The following ANK1 variants were observed in gnomAD, a reference collection of about 807,000 sequenced individuals.
ANK1 encodes ankyrin-1.
ANK1 carries 51 observed loss-of-function variants against 210.4 expected under a neutral mutation model. That is an observed-to-expected ratio of 0.24 (90% CI 0.19 to 0.31). The LOEUF (loss-of-function observed/expected upper bound fraction) is 0.31. Ranked by LOEUF, ANK1 falls within the 10% of genes least tolerant of loss-of-function variation. The probability of loss-of-function intolerance (pLI) is 1.00; values close to 1 mark genes in which losing one functional copy is unlikely to be tolerated. For missense variants in ANK1, 2,051 were observed against 2,504.4 expected (o/e 0.82, Z 3.86); for synonymous variants, 967 against 1,025.9 (o/e 0.94, Z 1.10).
chr8:41,662,119 T>C lies in ANK1; in HGVS notation c.5479-178A>G, dbSNP rs139623849. Among the ~76,000 whole-genome samples, 98 of 152,124 alleles carry C rather than the reference T, an allele frequency of 6.4e-4. No individual in the cohort carries two copies. In the East Asian group the frequency reaches 0.018, roughly 28 times the overall value. On this transcript the variant is annotated intron_variant, in intron 40 of 42. Coordinates refer to ENST00000289734, the MANE Select transcript of ANK1 (RefSeq NM_000037.4). ...TAAAAATACAAAAATTAGCCCGGTG[T>C]GGTGGCAGGTGCCTGTAATCCCAGC...
At position 41,757,315 on chromosome 8, in the gene ANK1, T is replaced by A. The variant is rs892882526; in HGVS notation, c.129+721A>T. ...AGCATGTGTAACTAAACAACTTAAT[T>A]GGCAGGCAAATATCTACAAACAAAC... is the stretch of plus-strand genomic sequence containing the variant. On this transcript the variant is annotated intron_variant, in intron 2 of 42. Coordinates refer to ENST00000289734, the MANE Select transcript of ANK1 (RefSeq NM_000037.4). Among the ~76,000 whole-genome samples, 4 of 152,328 alleles carry A rather than the reference T, an allele frequency of 2.6e-5. No homozygotes were observed. The East Asian group carries it at 7.7e-4, about 29-fold the overall frequency.
Position 41,668,248 on chromosome 8 carries a change from G to T in ANK1, c.5394+19C>A, listed in dbSNP as rs374103087. 2.6e-5 allele frequency: 42 copies of T among 1,614,018 alleles called. No individual in the cohort carries two copies. The highest frequency in any genetic ancestry group is 3.3e-5 in the Non-Finnish European group (39 of 1,180,042). On this transcript the variant is annotated intron_variant, in intron 39 of 42. Transcript: ENST00000289734. ...TGCTGGGAAGGAACAGCAGCACGCA[G>T]CTCCCCTCGGGCTCTCACCTGCACC...
chr8:41,720,134 T>C (rs1348400843), intron 9 of ANK1, among the ~76,000 whole-genome samples: 1 of 152,260 alleles, frequency 6.6e-6, no homozygotes, highest in Non-Finnish European at 1.5e-5. Context: ...TGGGCTTTCC[T>C]TATCTGCACC....
intron 1 of ANK1, among the ~76,000 whole-genome samples, chr8:41,775,967 C>T (rs1843940369): frequency 6.6e-6 from 1 of 152,156 alleles, no homozygotes; most frequent in Non-Finnish European, 1.5e-5. Context: ...ATTTAACCCT[C>T]AAAACCACCC....
intron 42 of ANK1, among the ~76,000 whole-genome samples, chr8:41,659,813 G>A (rs533237916): frequency 1.4e-4 from 21 of 151,614 alleles, no homozygotes; most frequent in South Asian, 6.3e-4. Context: ...AGTGTGGTCC[G>A]GTCCTTAATC....
chr8:41,883,466 G>A (rs1053336359), intron 1 of ANK1, among the ~76,000 whole-genome samples: 11 of 151,848 alleles, frequency 7.2e-5, no homozygotes, highest in African/African-American at 2.7e-4. Context: ...TTGTTTGTTT[G>A]TTTGTTTGTT....
intron 38 of ANK1, among the ~76,000 whole-genome samples, chr8:41,671,174 G>T (rs1446956082): frequency 6.6e-6 from 1 of 152,170 alleles, no homozygotes; most frequent in Non-Finnish European, 1.5e-5. Context: ...ACAGGGCGGG[G>T]GCTTCTCAGT....
intron 29 of ANK1, 62 bp downstream of exon 29, chr8:41,693,836 C>G: frequency 2.6e-6 from 4 of 1,534,930 alleles, no homozygotes; most frequent in Non-Finnish European, 2.6e-6. Flanking sequence ...AGTCACCCCC[C>G]TACTGTGTTC....
At chr8:41,667,670 A>C (rs2150555431) in intron 39 of ANK1, among the ~76,000 whole-genome samples, 1 of 152,266 alleles carries the variant, frequency 6.6e-6, no homozygotes, top group Middle Eastern at 3.4e-3. Context: ...CAGGAGAGGG[A>C]GAGGCCTGGG....
intron 1 of ANK1, among the ~76,000 whole-genome samples, chr8:41,805,225 GTCTCTCTCTCTTTGTCTCTT>G (rs1458732645): frequency 7.6e-6 from 1 of 131,882 alleles, no homozygotes; most frequent in Non-Finnish European, 1.6e-5. Context: ...CTCTCTCTCT[GTCTCTCTCTCTTTGTCTCTT>G]TCTCTCTCTC....
intron 2 of ANK1, among the ~76,000 whole-genome samples, chr8:41,757,812 G>A (rs1275132843): frequency 1.3e-5 from 2 of 152,234 alleles, no homozygotes; most frequent in African/African-American, 4.8e-5. Flanking sequence ...GGGGATCTGT[G>A]CGGGCCTCGC....
At chr8:41,889,570 C>A (rs60027178) in intron 1 of ANK1, among the ~76,000 whole-genome samples, 28,649 of 152,062 alleles carry the variant, frequency 0.19, 2,924 homozygotes, top group East Asian at 0.4. Context: ...ATTGGCTGGC[C>A]ATTACATCTT....
At chr8:41,815,700 T>G (rs964130920) in intron 1 of ANK1, among the ~76,000 whole-genome samples, 19 of 152,192 alleles carry the variant, frequency 1.2e-4, no homozygotes, top group Non-Finnish European at 2.2e-4. Context: ...ATTAGAATTT[T>G]AAGACTTAGT....
intron 1 of ANK1, among the ~76,000 whole-genome samples, chr8:41,843,835 C>T (rs1167775301): frequency 6.6e-6 from 1 of 152,164 alleles, no homozygotes; most frequent in Non-Finnish European, 1.5e-5. Flanking sequence ...AGAGACAGGT[C>T]GGGAAGGGTC....
At chr8:41,849,764 C>T (rs1171375682) in intron 1 of ANK1, among the ~76,000 whole-genome samples, 1 of 152,242 alleles carries the variant, frequency 6.6e-6, no homozygotes, top group Non-Finnish European at 1.5e-5. Context: ...TACGTGATCT[C>T]TCAGCTCCTT....
intron 40 of ANK1, 87 bp from the exon 41 acceptor site, chr8:41,662,028 G>A (rs1414394797): frequency 1.1e-5 from 16 of 1,498,888 alleles, no homozygotes; most frequent in African/African-American, 4.1e-5. Context: ...GGAGGCTGAC[G>A]TGCAGATCAT....
chr8:41,799,781 G>A (rs574155630), upstream of ANK1, among the ~76,000 whole-genome samples: 14 of 152,252 alleles, frequency 9.2e-5, no homozygotes, highest in South Asian at 2.5e-3. Context: ...TACAGGAAGC[G>A]GAGGAAAAGG....
chr8:41,752,383 G>A lies in ANK1; in HGVS notation c.129+5653C>T, dbSNP rs1837924268. Among the ~76,000 whole-genome samples, 2 of 152,118 alleles carry A rather than the reference G, an allele frequency of 1.3e-5. 1 individual carries two copies. Among genetic ancestry groups the A allele is most frequent in the Non-Finnish European group, 2.9e-5 (2 of 68,030 alleles). On this transcript the variant is annotated intron_variant, in intron 2 of 42. Transcript: ENST00000289734. ...TATATTCAACATGCCTTTCCTCCCT[G>A]CTCTCATCAGCCCCCGTCAGCACTC...
At chr8:41,710,683 G>A (rs1269231014) in intron 16 of ANK1, among the ~76,000 whole-genome samples, 1 of 152,242 alleles carries the variant, frequency 6.6e-6, no homozygotes, top group African/African-American at 2.4e-5. Flanking sequence ...CCCAACGTGG[G>A]ATCTGTCTCA....
Sources: allele counts gnomAD v4.1 joint callset (sites outside exome capture counted in the v4.1 genomes callset), GRCh38; gene constraint gnomAD v4.1.1; transcripts MANE v1.5; gene names NCBI Gene and HGNC (gene_info 2026-07-23, HGNC 2026-07-21).